CUX2: variants seen among roughly 807,000 people sequenced by gnomAD.
CUX2 encodes the protein cut like homeobox 2.
CUX2 carries 40 observed loss-of-function variants against 144.8 expected under a neutral mutation model. That is an observed-to-expected ratio of 0.28 (90% CI 0.21 to 0.36). CUX2 has a LOEUF of 0.36. Ranked by LOEUF, CUX2 falls within the 10% of genes least tolerant of loss-of-function variation. CUX2 has a pLI of 1.00. For synonymous variants in CUX2, 827 were observed against 875.6 expected, an observed-to-expected ratio of 0.94 and a Z score of 0.98; for missense variants, 1,615 against 1,994.0, an observed-to-expected ratio of 0.81 and a Z score of 3.62.
chr12:111,140,591 A>G (rs1367375180), intron 1 of CUX2, among the ~76,000 whole-genome samples: 1 of 152,194 alleles, frequency 6.6e-6, no homozygotes, highest in African/African-American at 2.4e-5. Context: ...GATGTTCTCC[A>G]TTTACACGCG....
intron 1 of CUX2, among the ~76,000 whole-genome samples, chr12:111,206,154 A>G (rs1349609532): frequency 6.6e-6 from 1 of 152,174 alleles, no homozygotes; most frequent in Non-Finnish European, 1.5e-5. Flanking sequence ...TGAGCAACAT[A>G]GCAAGGCCCT....
chr12:111,315,854 C>T (rs1565913439), intron 16 of CUX2, among the ~76,000 whole-genome samples: 1 of 151,024 alleles, frequency 6.6e-6, no homozygotes, highest in East Asian at 1.9e-4. Context: ...ACCCTGTCTC[C>T]AAAAAAGAAA....
intron 1 of CUX2, among the ~76,000 whole-genome samples, chr12:111,036,224 C>T (rs943637503): frequency 6.6e-6 from 1 of 152,172 alleles, no homozygotes; most frequent in Non-Finnish European, 1.5e-5. Flanking sequence ...AGATTTACAG[C>T]GCTGGTATTT....
rs1334975304 is a variant in CUX2, at chr12:111,160,491, G to A, written c.64-53709G>A. Among the ~76,000 whole-genome samples the A allele has an allele frequency of 6.6e-6, 1 of 152,176 alleles. No homozygotes were observed. Among genetic ancestry groups the A allele is most frequent in the African/African-American group, 2.4e-5 (1 of 41,444 alleles). ...GTGTCTGCATGTGCACACGTGCAGT[G>A]TGTCAGGGAGGGCCCTTCCTGGTCC... On this transcript the variant is annotated intron_variant, in intron 1 of 21. Transcript: ENST00000261726. The surrounding 1 kb of genome is among the most constrained non-coding windows in gnomAD (Gnocchi z 4.1).
intron 4 of CUX2, among the ~76,000 whole-genome samples, chr12:111,284,241 C>T (rs1253328875): frequency 1.3e-5 from 2 of 152,106 alleles, no homozygotes; most frequent in East Asian, 3.8e-4. Context: ...GAGTGCATGC[C>T]TAGGATATAT....
intron 1 of CUX2, among the ~76,000 whole-genome samples, chr12:111,187,179 G>A (rs989052444): frequency 6.6e-6 from 1 of 152,170 alleles, no homozygotes; most frequent in Non-Finnish European, 1.5e-5. Context: ...CCTTGGTGGC[G>A]TTATTCGTGC....
At chr12:111,052,501 A>T (rs573238901) in intron 1 of CUX2, among the ~76,000 whole-genome samples, 1 of 151,404 alleles carries the variant, frequency 6.6e-6, no homozygotes, top group East Asian at 1.9e-4. Context: ...GTATTTGTAT[A>T]CTTACGTGTG....
intron 1 of CUX2, 27 bp from the exon 2 acceptor site, chr12:111,214,170 TCTC>T (rs1040685361): frequency 2.6e-5 from 33 of 1,272,712 alleles, no homozygotes; most frequent in Middle Eastern, 2.0e-4. Flanking sequence ...TTTCTCTCTC[TCTC>T]TTTTTTTTTT....
At chr12:111,036,639 G>T (rs1324768544) in intron 1 of CUX2, among the ~76,000 whole-genome samples, 1 of 151,112 alleles carries the variant, frequency 6.6e-6, no homozygotes, top group Admixed American at 6.6e-5. Context: ...TGAAGGGGGG[G>T]GTTGTTCGTT....
In CUX2 at chr12:111,291,533, C is replaced by T. The variant is rs200963731; in HGVS notation, c.417C>T (p.Pro139=). 323 of 1,610,520 alleles carry T rather than the reference C, an allele frequency of 2.0e-4. 2 individuals carry two copies. In the African/African-American group the frequency reaches 3.1e-3, roughly 16 times the overall value. Residue 139 remains proline (P), a synonymous_variant, in exon 5 of 22, where the codon CCC becomes CCT. Transcript: ENST00000261726. ...TCCACACTTCGTGGAAGAGGAACCC[C>T]GAGCTCCTCAGCCCCAAAGGTACTG... The part of the protein sequence containing the change: ...RDLHTSWKRN[P]ELLSPKEQRE...
intron 3 of CUX2, among the ~76,000 whole-genome samples, chr12:111,250,662 GGGA>G (rs1405418741): frequency 6.6e-6 from 1 of 152,164 alleles, no homozygotes; most frequent in African/African-American, 2.4e-5. Flanking sequence ...TTGTTCCTCT[GGGA>G]GGAGGTGGCC....
At chr12:111,161,951 G>A (rs1877799467) in intron 1 of CUX2, among the ~76,000 whole-genome samples, 1 of 152,176 alleles carries the variant, frequency 6.6e-6, no homozygotes, top group South Asian at 2.1e-4. Flanking sequence ...GCCCAATGTG[G>A]TCTCGAACTC....
chr12:111,137,072 G>A (rs1432257578), intron 1 of CUX2, among the ~76,000 whole-genome samples: 1 of 151,932 alleles, frequency 6.6e-6, no homozygotes, highest in Non-Finnish European at 1.5e-5. Context: ...CGAGTAGGTG[G>A]GACCACAGGC....
chr12:111,104,964 G>A (rs188854451), intron 1 of CUX2, among the ~76,000 whole-genome samples: 8 of 152,316 alleles, frequency 5.3e-5, no homozygotes, highest in South Asian at 2.1e-4. Context: ...TGAATGGGGC[G>A]TGAGTCTTGG....
intron 18 of CUX2, among the ~76,000 whole-genome samples, chr12:111,323,969 C>T (rs775697807): frequency 1.3e-5 from 2 of 152,034 alleles, no homozygotes; most frequent in Non-Finnish European, 2.9e-5. Context: ...CCCAGAAGTT[C>T]GAGGCTGCAG....
At chr12:111,185,862 T>C (rs536568686) in intron 1 of CUX2, among the ~76,000 whole-genome samples, 20 of 152,114 alleles carry the variant, frequency 1.3e-4, no homozygotes, top group Non-Finnish European at 2.2e-4. Context: ...CTGCCTGCAA[T>C]GTAGGAGCTG....
intron 1 of CUX2, among the ~76,000 whole-genome samples, chr12:111,055,406 G>A (rs1240646978): frequency 2.0e-5 from 3 of 152,256 alleles, no homozygotes; most frequent in South Asian, 4.1e-4. Flanking sequence ...CCTGGAAGTC[G>A]CAATGAGGCG....
rs764258780 is a variant in CUX2, at chr12:111,248,169, G to A, written c.223-15592G>A. The stretch of plus-strand genomic sequence containing the variant: ...ACCCACCTTGGCCTCCCAGAGTGCC[G>A]GGATTATAGGCGTGAGCCACTGCGT... On this transcript the variant is annotated intron_variant, in intron 3 of 21. Coordinates refer to ENST00000261726, the MANE Select transcript of CUX2 (RefSeq NM_015267.4). Among the ~76,000 whole-genome samples, 39 of 152,302 alleles carry A rather than the reference G, an allele frequency of 2.6e-4. 1 individual carries two copies. The highest frequency in any genetic ancestry group is 2.0e-3 in the Admixed American group (31 of 15,294).
chr12:111,335,707 CAAAAAAA>C (rs1888321872), intron 19 of CUX2, among the ~76,000 whole-genome samples: 1 of 151,292 alleles, frequency 6.6e-6, no homozygotes, highest in African/African-American at 2.4e-5. Flanking sequence ...ACTCCATCTC[CAAAAAAA>C]TAAAAAATAA....
Sources: allele counts gnomAD v4.1 joint callset (sites outside exome capture counted in the v4.1 genomes callset), GRCh38; gene constraint gnomAD v4.1.1; non-coding constraint Gnocchi (gnomAD v3.1); transcripts MANE v1.5; gene names NCBI Gene and HGNC (gene_info 2026-07-23, HGNC 2026-07-21).